BAIAP2: variants seen among roughly 807,000 people sequenced by gnomAD.
BAIAP2 encodes BAR/IMD domain-containing adapter protein 2.
A neutral mutation model predicts 63.0 loss-of-function variants in BAIAP2; 18 were observed. The observed-to-expected ratio is 0.29, with a 90% CI of 0.20 to 0.42. BAIAP2 has a LOEUF of 0.42. Among genes scored for constraint, BAIAP2 ranks in the 10% least tolerant of loss-of-function variants. BAIAP2 has a pLI of 1.00. For missense variants in BAIAP2, 610 were observed against 734.3 expected (o/e 0.83, Z 1.96); for synonymous variants, 386 against 307.6 (o/e 1.25, Z -2.67).
In BAIAP2 at chr17:81,086,534, G is replaced by A. The variant is rs767999334; in HGVS notation, c.443G>A (p.Ser148Asn). 4 of 1,613,932 alleles carry A rather than the reference G, an allele frequency of 2.5e-6. No homozygotes were observed. Among genetic ancestry groups the A allele is most frequent in the Non-Finnish European group, 3.4e-6 (4 of 1,180,024 alleles). ...QAELKKLRKK[S>N]QGSKNPQKYS... ...GAGCTGAAGAAGCTTCGGAAGAAGA[G>A]CCAGGGCAGCAAGAATCCTCAGAAG... The change falls in exon 6 of 14, where the codon AGC becomes AAC. Residue 148 changes from serine (S) to asparagine (N), a missense_variant. This residue lies in a region of BAIAP2 where 389 missense variants were observed against 455.6 expected (regional missense o/e 0.85). Coordinates refer to ENST00000428708, the MANE Select transcript of BAIAP2 (RefSeq NM_001144888.2).
At chr17:81,110,487 GT>G in intron 13 of BAIAP2, 2 of 1,028,034 alleles carry the variant, frequency 1.9e-6, no homozygotes, top group Non-Finnish European at 2.3e-6. Context: ...GCAGTTACTT[GT>G]TTGAATAAAA....
At chr17:81,105,832 T>C in intron 10 of BAIAP2, 1 of 424,816 alleles carries the variant, frequency 2.4e-6, no homozygotes, top group South Asian at 2.7e-5. Context: ...GGCCTTGCAG[T>C]TGGGTCTGGT....
chr17:81,071,313 A>T (rs1295142776), intron 3 of BAIAP2, among the ~76,000 whole-genome samples: 1 of 152,074 alleles, frequency 6.6e-6, no homozygotes, highest in East Asian at 1.9e-4. Context: ...GGGCTCTGAT[A>T]GCAAGATGTC....
At chr17:81,058,109 C>T (rs1445447343) in intron 3 of BAIAP2, 142 bp downstream of exon 3, 2 of 718,778 alleles carry the variant, frequency 2.8e-6, no homozygotes, top group African/African-American at 3.6e-5. Context: ...GACAGTCACC[C>T]TGGGAGCTGC....
At chr17:81,047,221 G>C (rs2047940364) in intron 1 of BAIAP2, among the ~76,000 whole-genome samples, 1 of 152,170 alleles carries the variant, frequency 6.6e-6, no homozygotes, top group Non-Finnish European at 1.5e-5. Context: ...GAGGGACCGG[G>C]CTGGCTGTGT....
intron 1 of BAIAP2, among the ~76,000 whole-genome samples, chr17:81,043,851 G>A (rs562406495): frequency 3.9e-5 from 6 of 152,240 alleles, no homozygotes; most frequent in African/African-American, 9.6e-5. Flanking sequence ...CCTTCCGTTC[G>A]GGAGTTCGAG....
intron 3 of BAIAP2, among the ~76,000 whole-genome samples, chr17:81,080,922 C>T (rs1392298803): frequency 1.3e-5 from 2 of 152,216 alleles, no homozygotes; most frequent in East Asian, 3.9e-4. Context: ...CCTTTTGCTT[C>T]ACCTCTTTGT....
intron 2 of BAIAP2, among the ~76,000 whole-genome samples, chr17:81,055,280 CCCT>C (rs1440029401): frequency 4.1e-5 from 6 of 146,814 alleles, no homozygotes; most frequent in Admixed American, 3.6e-4. Flanking sequence ...CCTGGCACTG[CCCT>C]CCTTCTCAGC....
At chr17:81,101,731 G>GC (rs897897598) in intron 7 of BAIAP2, among the ~76,000 whole-genome samples, 4 of 152,236 alleles carry the variant, frequency 2.6e-5, no homozygotes, top group Admixed American at 2.0e-4. Context: ...CCCTGGAGAG[G>GC]CCCCTCCTGC....
chr17:81,035,530 C>CA (rs2046103836), intron 1 of BAIAP2, among the ~76,000 whole-genome samples: 2 of 149,376 alleles, frequency 1.3e-5, no homozygotes, highest in Admixed American at 1.3e-4. Flanking sequence ...CGGGCCCCCC[C>CA]ATCCCATGCG....
At chr17:81,106,258 C>G in intron 11 of BAIAP2, 112 bp downstream of exon 11, 2 of 1,156,062 alleles carry the variant, frequency 1.7e-6, no homozygotes, top group Non-Finnish European at 1.2e-6. Context: ...TCCTTGTCTG[C>G]TACCGCAGGG....
chr17:81,078,437 C>G (rs2054059692), intron 3 of BAIAP2, among the ~76,000 whole-genome samples: 1 of 132,026 alleles, frequency 7.6e-6, no homozygotes, highest in Non-Finnish European at 1.6e-5. Flanking sequence ...CATCTCGGAG[C>G]TGGGTGCTAT....
At chr17:81,108,657 C>T in intron 13 of BAIAP2, 148 bp downstream of exon 13, 1 of 1,061,906 alleles carries the variant, frequency 9.4e-7, no homozygotes, top group Non-Finnish European at 1.4e-6. Flanking sequence ...GGGGATGTCC[C>T]TTAGGGCGTC....
intron 13 of BAIAP2, among the ~76,000 whole-genome samples, chr17:81,111,454 G>T (rs1027066855): frequency 6.6e-6 from 1 of 152,220 alleles, no homozygotes; most frequent in Non-Finnish European, 1.5e-5. Flanking sequence ...CCAGGTGTTG[G>T]GCCCACTGGG....
chr17:81,058,049 T>G (rs2144327774), intron 3 of BAIAP2, 82 bp downstream of exon 3: 1 of 1,109,112 alleles, frequency 9.0e-7, no homozygotes, highest in Non-Finnish European at 1.3e-6. Flanking sequence ...GTCCAGCCGC[T>G]TTTTGATTTG....
chr17:81,044,487 C>G (rs1239162150), intron 1 of BAIAP2, among the ~76,000 whole-genome samples: 1 of 152,244 alleles, frequency 6.6e-6, no homozygotes, highest in Non-Finnish European at 1.5e-5. Flanking sequence ...TAGGGCCCGC[C>G]CTAGTGACCC....
chr17:81,105,225 C>G (rs566679547), intron 10 of BAIAP2: 1 of 165,448 alleles, frequency 6.0e-6, no homozygotes, highest in East Asian at 1.8e-4. Context: ...TTGTCTTCCC[C>G]CATGGCTGGG....
intron 7 of BAIAP2, among the ~76,000 whole-genome samples, chr17:81,103,141 A>G (rs2058715618): frequency 6.6e-6 from 1 of 151,848 alleles, no homozygotes; most frequent in Non-Finnish European, 1.5e-5. Flanking sequence ...TCCCCCGGCC[A>G]TCTGGGGCGC....
chr17:81,097,077 G>T (rs1263253531), intron 6 of BAIAP2, among the ~76,000 whole-genome samples: 1 of 152,212 alleles, frequency 6.6e-6, no homozygotes, highest in Non-Finnish European at 1.5e-5. Context: ...GCCTTGCAGG[G>T]CCTCTCACCT....
Sources: gnomAD v4.1 joint callset for allele counts (sites outside exome capture counted in the v4.1 genomes callset) on GRCh38, gnomAD v4.1.1 for gene constraint, gnomAD v4.1.1 regional missense constraint, MANE v1.5 for transcripts, NCBI Gene and HGNC (gene_info 2026-07-23, HGNC 2026-07-21) for gene names.